TEKT5: variants seen among roughly 807,000 people sequenced by gnomAD.
TEKT5 encodes the protein tektin-5.
Under a neutral mutation model 48.7 loss-of-function variants are expected in TEKT5, and 52 were observed. The ratio of observed to expected loss-of-function variants is 1.07; its 90% CI spans 0.86 to 1.35. TEKT5 has a LOEUF of 1.35. TEKT5 is among the 40% of genes most tolerant of loss of function. The probability of loss-of-function intolerance (pLI) is 0.00; values close to 1 mark genes in which losing one functional copy is unlikely to be tolerated. For synonymous variants in TEKT5, 318 were observed against 267.6 expected (o/e 1.19, Z -1.84); for missense variants, 831 against 641.6 (o/e 1.30, Z -3.19).
intron 6 of TEKT5, among the ~76,000 whole-genome samples, chr16:10,632,484 T>C (rs529766447): frequency 7.2e-5 from 11 of 151,994 alleles, no homozygotes; most frequent in Non-Finnish European, 1.3e-4. Flanking sequence ...TTTGTAGAGA[T>C]GGGGTCTTGC....
intron 5 of TEKT5, among the ~76,000 whole-genome samples, chr16:10,642,748 C>T (rs1437075946): frequency 1.3e-5 from 2 of 152,126 alleles, no homozygotes; most frequent in Non-Finnish European, 1.5e-5. Flanking sequence ...AAGTTAAACA[C>T]CACATGCTCT....
intron 6 of TEKT5, among the ~76,000 whole-genome samples, chr16:10,632,961 G>A (rs928432506): frequency 6.7e-5 from 10 of 149,916 alleles, no homozygotes; most frequent in African/African-American, 2.5e-4. Flanking sequence ...CTTTCTGTCT[G>A]TCCTCCTCAG....
chr16:10,664,736 G>A (rs565598415), intron 5 of TEKT5, among the ~76,000 whole-genome samples: 1 of 152,324 alleles, frequency 6.6e-6, no homozygotes, highest in East Asian at 1.9e-4. Context: ...AGATTCAGAA[G>A]GGTTAGTTAC....
chr16:10,680,521 G>A (rs16957526), intron 4 of TEKT5, among the ~76,000 whole-genome samples: 18,684 of 150,622 alleles, frequency 0.12, 1,617 homozygotes, highest in African/African-American at 0.24. Context: ...TTCTCATCCC[G>A]AGCATCTCTC....
intron 5 of TEKT5, among the ~76,000 whole-genome samples, chr16:10,642,090 G>A (rs895541332): frequency 2.6e-4 from 40 of 152,210 alleles, no homozygotes; most frequent in African/African-American, 8.9e-4. Flanking sequence ...TCGCTGTGCC[G>A]TGCCCCTGGC....
rs370265555 is a variant in TEKT5, at chr16:10,627,569, C to A, written c.*14G>T. On this transcript the variant is annotated 3_prime_UTR_variant, in exon 7 of 7. Coordinates refer to ENST00000283025, the MANE Select transcript of TEKT5 (RefSeq NM_144674.2). ...AATTTTACGCCAGCGCGGAATGAGG[C>A]GCCAGGGCGGTGCTCAGGTGTGGCC... 4 of 1,613,394 alleles carry A rather than the reference C, an allele frequency of 2.5e-6. No individual in the cohort carries two copies. The Admixed American group carries it at 5.0e-5, about 20-fold the overall frequency.
At chr16:10,684,912 G>A (rs1278749314) in intron 3 of TEKT5, among the ~76,000 whole-genome samples, 2 of 152,202 alleles carry the variant, frequency 1.3e-5, no homozygotes, top group African/African-American at 4.8e-5. Context: ...CTCAGGCTTC[G>A]CAGAAAACCA....
intron 5 of TEKT5, among the ~76,000 whole-genome samples, chr16:10,648,106 G>C (rs1447201554): frequency 6.6e-6 from 1 of 152,146 alleles, no homozygotes; most frequent in Non-Finnish European, 1.5e-5. Context: ...GCACATGGGT[G>C]GGGGACAGGG....
At chr16:10,691,666 G>A (rs572556502) in intron 1 of TEKT5, among the ~76,000 whole-genome samples, 1 of 152,034 alleles carries the variant, frequency 6.6e-6, no homozygotes, top group African/African-American at 2.4e-5. Flanking sequence ...AATTTCTGGG[G>A]GACCAGACAC....
At chr16:10,640,726 T>TA (rs1567225509) in intron 5 of TEKT5, among the ~76,000 whole-genome samples, 3,405 of 152,246 alleles carry the variant, frequency 0.022, 132 homozygotes, top group African/African-American at 0.078. Flanking sequence ...TATATATATA[T>TA]TTGTTTTTGG....
chr16:10,685,589 G>A (rs114359295), intron 3 of TEKT5, among the ~76,000 whole-genome samples: 2,135 of 152,088 alleles, frequency 0.014, 48 homozygotes, highest in African/African-American at 0.047. Flanking sequence ...GAGCCTCCAC[G>A]CCCAGCCTCT....
At chr16:10,652,682 GACACACACACACACAC>G (rs1187367332) in intron 5 of TEKT5, among the ~76,000 whole-genome samples, 2 of 7,626 alleles carry the variant, frequency 2.6e-4, no homozygotes, top group Non-Finnish European at 4.1e-4. Context: ...TACACAGGCA[GACACACACACACACAC>G]ACACACACAC....
Position 10,676,068 on chromosome 16 carries a change from G to A in TEKT5, c.977C>T (p.Thr326Ile), listed in dbSNP as rs1023255999. 4 of 1,614,126 alleles carry A rather than the reference G, an allele frequency of 2.5e-6. No homozygotes were observed. Among genetic ancestry groups the A allele is most frequent in the Non-Finnish European group, 3.4e-6 (4 of 1,180,048 alleles). Residue 326 changes from threonine to isoleucine, a missense_variant, in exon 5 of 7, where the codon ACC (threonine) becomes ATC (isoleucine). Physicochemically the swap from Thr to Ile is moderately conservative, Grantham distance 89. Transcript: ENST00000283025. ...CTGCCTCCACATCTGATCCGACAAG[G>A]TCTCAAAGAGGTGCTCCGCCTCCTC... ...LREEAEHLFE[T>I]LSDQMWRQFT...
At chr16:10,681,619 C>A (rs912340581) in intron 4 of TEKT5, among the ~76,000 whole-genome samples, 7 of 148,226 alleles carry the variant, frequency 4.7e-5, no homozygotes, top group African/African-American at 1.7e-4. Context: ...TTTGGTGAAA[C>A]TGCTGAGTGG....
At chr16:10,666,835 G>C (rs539777659) in intron 5 of TEKT5, among the ~76,000 whole-genome samples, 2 of 152,124 alleles carry the variant, frequency 1.3e-5, no homozygotes, top group Non-Finnish European at 2.9e-5. Context: ...ATACTGATGC[G>C]GGTGTGTTTT....
At chr16:10,647,898 G>T (rs1054868442) in intron 5 of TEKT5, among the ~76,000 whole-genome samples, 2 of 152,242 alleles carry the variant, frequency 1.3e-5, no homozygotes, top group Admixed American at 6.5e-5. Flanking sequence ...AACCACAACA[G>T]CTGGAAAACC....
At chr16:10,639,124 G>A (rs375518836) in intron 5 of TEKT5, among the ~76,000 whole-genome samples, 11 of 152,158 alleles carry the variant, frequency 7.2e-5, no homozygotes, top group African/African-American at 2.7e-4. Context: ...GGCCAACAGA[G>A]CAAGACCTTA....
Position 10,694,580 on chromosome 16 carries a change from G to C in TEKT5, c.294C>G (p.Asn98Lys). The change falls in exon 1 of 7, where the codon AAC (asparagine) becomes AAG (lysine). Residue 98 changes from asparagine to lysine, a missense_variant. Transcript: ENST00000283025. ...RYSPHDWDQS[N>K]QLQVRGAEAS... ...CCTCGGCCCCACGCACCTGCAGCTG[G>C]TTGGACTGGTCCCAGTCGTGGGGGC... The C allele has an allele frequency of 6.2e-7, 1 of 1,605,456 alleles. No homozygotes were observed. The highest frequency in any genetic ancestry group is 1.7e-4 in the Middle Eastern group (1 of 6,010).
At chr16:10,658,963 C>T (rs1377599219) in intron 5 of TEKT5, among the ~76,000 whole-genome samples, 2 of 152,104 alleles carry the variant, frequency 1.3e-5, no homozygotes, top group African/African-American at 4.8e-5. Context: ...AGTGATCCAC[C>T]CACTTCAGTC....
Sources: allele counts gnomAD v4.1 joint callset (sites outside exome capture counted in the v4.1 genomes callset), GRCh38; gene constraint gnomAD v4.1.1; transcripts MANE v1.5; gene names NCBI Gene and HGNC (gene_info 2026-07-23, HGNC 2026-07-21).